CSMD1: variants seen among roughly 807,000 people sequenced by gnomAD.
The protein encoded by CSMD1 is CUB and Sushi multiple domains 1, also known as CUB and sushi domain-containing protein 1.
In CSMD1, 213 loss-of-function variants were observed where a neutral mutation model predicts 417.5. The ratio of observed to expected loss-of-function variants is 0.51; its 90% CI spans 0.46 to 0.57. The LOEUF is 0.57. Ranked by LOEUF, CSMD1 falls within the 20% of genes least tolerant of loss-of-function variation. The probability of loss-of-function intolerance (pLI) is 0.00; values close to 1 mark genes in which losing one functional copy is unlikely to be tolerated. For missense variants in CSMD1, 6,923 were observed against 4,529.7 expected (o/e 1.53, Z -15.17); for synonymous variants, 2,862 against 1,736.8 (o/e 1.65, Z -16.11).
At chr8:3,667,484 G>C (rs1190018203) in intron 7 of CSMD1, among the ~76,000 whole-genome samples, 1 of 152,106 alleles carries the variant, frequency 6.6e-6, no homozygotes, top group African/African-American at 2.4e-5. Flanking sequence ...AAACAATGCA[G>C]GGCCAGGGTG....
chr8:3,150,442 C>A (rs914420334), intron 40 of CSMD1, among the ~76,000 whole-genome samples: 3 of 152,176 alleles, frequency 2.0e-5, no homozygotes, highest in African/African-American at 7.2e-5. Context: ...ATTCCCCGGC[C>A]ACTCTCTGCT....
chr8:4,347,854 C>A (rs887190965), intron 3 of CSMD1, among the ~76,000 whole-genome samples: 5 of 149,218 alleles, frequency 3.4e-5, no homozygotes, highest in Middle Eastern at 6.9e-3. Flanking sequence ...CAAAAAAAAA[C>A]AGATCAGAGG....
chr8:3,405,565 A>T (rs1006173207), intron 15 of CSMD1, among the ~76,000 whole-genome samples: 1 of 152,144 alleles, frequency 6.6e-6, no homozygotes, highest in African/African-American at 2.4e-5. Flanking sequence ...GTATTTGAAG[A>T]TTGGGTACTT....
intron 3 of CSMD1, among the ~76,000 whole-genome samples, chr8:4,064,869 G>A (rs1386344377): frequency 6.6e-6 from 1 of 151,932 alleles, no homozygotes; most frequent in Non-Finnish European, 1.5e-5. Context: ...TTTGTAATGT[G>A]TGTATCTACA....
intron 43 of CSMD1, among the ~76,000 whole-genome samples, chr8:3,109,366 T>C (rs1421809078): frequency 1.3e-5 from 2 of 152,248 alleles, no homozygotes; most frequent in Non-Finnish European, 2.9e-5. Flanking sequence ...AACCACAGAA[T>C]GCTGTTTTGT....
chr8:3,272,212 C>A (rs1005060627), intron 26 of CSMD1, among the ~76,000 whole-genome samples: 5 of 147,162 alleles, frequency 3.4e-5, no homozygotes, highest in South Asian at 2.2e-4. Context: ...GCTTGTTTTA[C>A]TCAGGTTTGT....
intron 6 of CSMD1, among the ~76,000 whole-genome samples, chr8:3,720,521 C>G (rs549438202): frequency 2.2e-4 from 33 of 152,080 alleles, no homozygotes; most frequent in African/African-American, 7.2e-4. Context: ...TGCCATAGAC[C>G]TTTTGTTGTC....
At chr8:4,918,849 TATA>T in intron 1 of CSMD1, among the ~76,000 whole-genome samples, 1 of 152,328 alleles carries the variant, frequency 6.6e-6, no homozygotes, top group African/African-American at 2.4e-5. Context: ...ATATTGTTCA[TATA>T]ATCACCACAC....
chr8:3,854,370 A>C (rs923540012), intron 5 of CSMD1, among the ~76,000 whole-genome samples: 1 of 152,038 alleles, frequency 6.6e-6, no homozygotes, highest in East Asian at 1.9e-4. Context: ...TGATTTTAAG[A>C]ACACAGATAA....
Position 3,415,353 on chromosome 8 carries a change from T to TTA in CSMD1, c.1562-5750_1562-5749dup, listed in dbSNP as rs1563365812. On this transcript the variant is annotated intron_variant, in intron 12 of 69. Coordinates refer to ENST00000635120, the MANE Select transcript of CSMD1 (RefSeq NM_033225.6). ...TGTATAAGAGATCCCTTGAACTTAT[T>TTA]TACATGTTGCATTTATTTATTTGAA... is the stretch of plus-strand genomic sequence containing the variant. 1.8e-3 allele frequency among the ~76,000 whole-genome samples: 270 copies of TTA among 152,298 alleles called. 1 individual carries two copies. The highest frequency in any genetic ancestry group is 6.1e-3 in the African/African-American group (253 of 41,566).
intron 33 of CSMD1, among the ~76,000 whole-genome samples, chr8:3,191,631 G>C (rs1377291793): frequency 6.6e-6 from 1 of 152,082 alleles, no homozygotes; most frequent in Non-Finnish European, 1.5e-5. Flanking sequence ...GTAAGTATCA[G>C]TGCAACGTGT....
intron 3 of CSMD1, among the ~76,000 whole-genome samples, chr8:4,419,312 G>A (rs1483893552): frequency 1.3e-5 from 2 of 152,082 alleles, no homozygotes; most frequent in East Asian, 3.9e-4. Flanking sequence ...GTATTAACTA[G>A]TTCAATTTCT....
At chr8:3,407,711 A>C (rs1373268234) in intron 14 of CSMD1, among the ~76,000 whole-genome samples, 188 bp downstream of exon 14, 2 of 152,224 alleles carry the variant, frequency 1.3e-5, no homozygotes, top group East Asian at 3.8e-4. Context: ...CCACCTATCT[A>C]AATACAGTGA....
chr8:3,602,917 T>A (rs1584947551), intron 8 of CSMD1, among the ~76,000 whole-genome samples: 1 of 152,188 alleles, frequency 6.6e-6, no homozygotes, highest in Non-Finnish European at 1.5e-5. Context: ...AATCACCTAT[T>A]TTCTCAGAAG....
intron 3 of CSMD1, among the ~76,000 whole-genome samples, chr8:4,378,281 T>C (rs930548239): frequency 3.9e-5 from 6 of 152,252 alleles, no homozygotes; most frequent in Non-Finnish European, 8.8e-5. Context: ...CCCTGTTATA[T>C]AATCCATGCA....
intron 3 of CSMD1, among the ~76,000 whole-genome samples, chr8:4,108,838 T>C (rs1197320252): frequency 1.3e-5 from 2 of 152,228 alleles, no homozygotes; most frequent in Non-Finnish European, 2.9e-5. Flanking sequence ...GAGTTCTGCA[T>C]ATGCATGCAC....
At chr8:3,820,589 G>T (rs751274316) in intron 5 of CSMD1, among the ~76,000 whole-genome samples, 17 of 152,044 alleles carry the variant, frequency 1.1e-4, no homozygotes, top group African/African-American at 4.1e-4. Context: ...TTGTTTGTTT[G>T]TTTTGAGATG....
chr8:4,032,171 C>G lies in CSMD1; in HGVS notation c.416-72G>C, dbSNP rs1293386027. The G allele has an allele frequency of 1.0e-5, 11 of 1,080,350 alleles. No individual in the cohort carries two copies. In the Admixed American group the frequency reaches 2.5e-4, roughly 24 times the overall value. 66.9% of individuals were successfully genotyped at this position (1,080,350 alleles called of 1,614,324 possible). A position where few individuals can be genotyped will look rare whatever the true frequency, so the allele number is the denominator to read the frequency against. On this transcript the variant is annotated intron_variant, in intron 3 of 69. Coordinates refer to ENST00000635120, the MANE Select transcript of CSMD1 (RefSeq NM_033225.6). ...ATGGAGAGCCACTTATAAGATAAAA[C>G]AGACACCATTTTTGAATTATTAAAA...
chr8:3,924,365 G>T (rs1036017730), intron 5 of CSMD1, among the ~76,000 whole-genome samples: 4 of 152,116 alleles, frequency 2.6e-5, no homozygotes, highest in African/African-American at 9.7e-5. Context: ...AAAAGCTCAA[G>T]CTGCATTTAA....
Sources: gnomAD v4.1 joint callset for allele counts (sites outside exome capture counted in the v4.1 genomes callset) on GRCh38, gnomAD v4.1.1 for gene constraint, MANE v1.5 for transcripts, NCBI Gene and HGNC (gene_info 2026-07-23, HGNC 2026-07-21) for gene names.